CYSLTR1: variants seen among roughly 807,000 people sequenced by gnomAD.
The protein encoded by CYSLTR1 is cysteinyl leukotriene receptor 1.
CYSLTR1 carries 1 observed loss-of-function variant against 2.1 expected under a neutral mutation model. The observed-to-expected ratio is 0.48, with a 90% CI of 0.17 to 2.28. The LOEUF is 2.28. Ranked by LOEUF, CYSLTR1 falls within the 30% of genes most tolerant of loss-of-function variation. The pLI is 0.26. For synonymous variants in CYSLTR1, 110 were observed against 89.6 expected, an observed-to-expected ratio of 1.23 and a Z score of -1.28; for missense variants, 299 against 250.1, an observed-to-expected ratio of 1.20 and a Z score of -1.32.
intron 1 of CYSLTR1, chrX:78,321,551 G>C (rs772587127): frequency 9.1e-6 from 1 of 110,412 alleles, no homozygotes. Flanking sequence ...TTAGCTGGGC[G>C]TGGTGGCACA....
chrX:78,315,128 G>T (rs984647266), intron 1 of CYSLTR1, among the ~76,000 whole-genome samples: 2 of 107,210 alleles, frequency 1.9e-5, no homozygotes, highest in Non-Finnish European at 3.8e-5. Context: ...CCCTTTCCAG[G>T]CCCTAGCTCC....
chrX:78,279,226 T>C (rs1375887690), intron 2 of CYSLTR1, among the ~76,000 whole-genome samples: 2 of 111,156 alleles, frequency 1.8e-5, no homozygotes, highest in Non-Finnish European at 3.8e-5. Flanking sequence ...AAAGGTCTAA[T>C]ATCCAGAATC....
intron 2 of CYSLTR1, among the ~76,000 whole-genome samples, chrX:78,274,757 A>G (rs1047769449): frequency 1.8e-5 from 2 of 111,029 alleles, no homozygotes; most frequent in Non-Finnish European, 3.8e-5. Context: ...GAGCTTCTGC[A>G]CAGCAAAAGA....
rs528034939 is a variant in CYSLTR1 at position 78,306,812 on chromosome X, G to T, written c.-115+20493C>A. Among the ~76,000 whole-genome samples the T allele has an allele frequency of 4.9e-3, 548 of 111,732 alleles. 2 individuals carry two copies. The highest frequency in any genetic ancestry group is 0.039 in the South Asian group (105 of 2,683). On this transcript the variant is annotated intron_variant, in intron 1 of 2. Transcript: ENST00000373304. The stretch of plus-strand genomic sequence containing the variant: ...AGAGGAAAAAAATGAAAAATGTGTA[G>T]TATTGTAGAATCCAAAGGAGTGGTT...
At chrX:78,278,983 A>G (rs1921722418) in intron 2 of CYSLTR1, among the ~76,000 whole-genome samples, 1 of 112,386 alleles carries the variant, frequency 8.9e-6, no homozygotes, top group Non-Finnish European at 1.9e-5. Flanking sequence ...AGACTTAAAC[A>G]TAAGACCTAA....
intron 2 of CYSLTR1, among the ~76,000 whole-genome samples, chrX:78,274,781 G>A (rs1375980160): frequency 7.2e-5 from 8 of 110,884 alleles, no homozygotes; most frequent in Non-Finnish European, 9.4e-5. Context: ...TACCATCAGA[G>A]TGAACAGGCA....
intron 1 of CYSLTR1, among the ~76,000 whole-genome samples, chrX:78,325,844 C>T (rs1005709157): frequency 8.9e-6 from 1 of 111,915 alleles, no homozygotes; most frequent in African/African-American, 3.3e-5. Context: ...ACTGAAAATA[C>T]AAATTTATAA....
At chrX:78,309,278 A>C (rs1033667014) in intron 1 of CYSLTR1, among the ~76,000 whole-genome samples, 9 of 111,470 alleles carry the variant, frequency 8.1e-5, no homozygotes, top group African/African-American at 2.9e-4. Context: ...CCCTTTTTAG[A>C]AGCCCCTTAT....
intron 1 of CYSLTR1, among the ~76,000 whole-genome samples, chrX:78,315,610 G>A (rs1047083966): frequency 1.8e-5 from 2 of 111,600 alleles, no homozygotes; most frequent in Non-Finnish European, 3.8e-5. Context: ...AACATTGGTG[G>A]TAGTCTGGCA....
intron 1 of CYSLTR1, among the ~76,000 whole-genome samples, chrX:78,317,030 T>C (rs1923443931): frequency 8.9e-6 from 1 of 112,018 alleles, no homozygotes; most frequent in Non-Finnish European, 1.9e-5. Context: ...AAGAAATAAT[T>C]AGTACAGTAA....
chrX:78,302,860 A>G (rs1243747079), intron 1 of CYSLTR1, among the ~76,000 whole-genome samples: 1 of 110,824 alleles, frequency 9.0e-6, no homozygotes, highest in Non-Finnish European at 1.9e-5. Context: ...TTTTGGAGCC[A>G]TGAGCTGTGT....
intron 2 of CYSLTR1, among the ~76,000 whole-genome samples, chrX:78,276,015 GAAGAA>G (rs943878196): frequency 8.9e-6 from 1 of 112,404 alleles, no homozygotes; most frequent in East Asian, 2.8e-4. Context: ...TTAAGGCTCT[GAAGAA>G]ATATGTAGTA....
chrX:78,288,206 A>C (rs1315390688), intron 1 of CYSLTR1, among the ~76,000 whole-genome samples: 1 of 107,626 alleles, frequency 9.3e-6, no homozygotes, highest in Non-Finnish European at 1.9e-5. Flanking sequence ...TTGTCTCTTG[A>C]AAAAAAAAAT....
At chrX:78,282,341 TA>T (rs1302340368) in intron 2 of CYSLTR1, among the ~76,000 whole-genome samples, 3 of 112,071 alleles carry the variant, frequency 2.7e-5, no homozygotes, top group Admixed American at 9.5e-5. Context: ...GGTTGATATA[TA>T]AAAAAGCATC....
chrX:78,280,256 A>G (rs981461443), intron 2 of CYSLTR1, among the ~76,000 whole-genome samples: 15 of 111,622 alleles, frequency 1.3e-4, no homozygotes, highest in African/African-American at 4.9e-4. Context: ...AAGAAAAAAA[A>G]CTGCCTAAAG....
rs1923893543 is a variant in CYSLTR1, at chrX:78,327,290, A to G, written c.-115+15T>C. ...TACTGTTCTGGTCTTAGTACTGAAT[A>G]CTGAGTCTCCTTACCTGCTAACTTC... is the stretch of plus-strand genomic sequence containing the variant. On this transcript the variant is annotated intron_variant, in intron 1 of 2. Transcript: ENST00000373304. 8.9e-6 allele frequency: 1 copy of G among 112,233 alleles called. No individual in the cohort carries two copies. Among genetic ancestry groups the G allele is most frequent in the Admixed American group, 9.4e-5 (1 of 10,607 alleles). 9.2% of individuals were successfully genotyped at this position (112,233 alleles called of 1,213,427 possible). A position where few individuals can be genotyped will look rare whatever the true frequency, so the allele number is the denominator to read the frequency against.
At chrX:78,299,425 C>A (rs1214277832) in intron 1 of CYSLTR1, among the ~76,000 whole-genome samples, 2 of 110,618 alleles carry the variant, frequency 1.8e-5, no homozygotes, top group Non-Finnish European at 3.8e-5. Context: ...CTAATGTACT[C>A]TTTTCATAAT....
chrX:78,322,064 T>A (rs777377912), intron 1 of CYSLTR1, among the ~76,000 whole-genome samples: 5 of 111,383 alleles, frequency 4.5e-5, no homozygotes, highest in Non-Finnish European at 7.5e-5. Context: ...AAACCGATAC[T>A]TCCTCTTCTG....
intron 2 of CYSLTR1, 35 bp downstream of exon 2, chrX:78,283,419 A>G (rs193235936): frequency 8.6e-4 from 97 of 112,885 alleles, no homozygotes; most frequent in African/African-American, 3.0e-3. Context: ...CTGCAAGTTG[A>G]AAAAGCAAAG....
Sources: allele counts gnomAD v4.1 joint callset (sites outside exome capture counted in the v4.1 genomes callset), GRCh38; gene constraint gnomAD v4.1.1; transcripts MANE v1.5; gene names NCBI Gene and HGNC (gene_info 2026-07-23, HGNC 2026-07-21).